Variants in ASB12 observed in about 807,000 individuals in gnomAD.
ASB12 encodes ankyrin repeat and SOCS box protein 12.
A neutral mutation model predicts 13.7 loss-of-function variants in ASB12; 17 were observed. That is an observed-to-expected ratio of 1.24 (90% CI 0.85 to 1.86). The LOEUF (loss-of-function observed/expected upper bound fraction) is 1.86. Ranked by LOEUF, ASB12 falls within the 40% of genes most tolerant of loss-of-function variation. The pLI, the probability that ASB12 is intolerant of heterozygous loss-of-function variation, is 0.00. For missense variants in ASB12, 329 were observed against 250.5 expected, an observed-to-expected ratio of 1.31 and a Z score of -2.11; for synonymous variants, 107 against 99.8, an observed-to-expected ratio of 1.07 and a Z score of -0.43.
chrX:64,225,549 C>T lies in ASB12; in HGVS notation c.102G>A (p.Glu34=), dbSNP rs1042326063. The stretch of plus-strand genomic sequence containing the variant: ...CTGCTTGATTGAGAGCCTGCTTCTC[C>T]TCTGTGTCAGTGTCCTCCTCCTCCT... ...PDKEEEDTDT[E]EKQALNQAVY... is the part of the protein sequence containing the mutation. The change falls in exon 2 of 3, where the codon GAG becomes GAA. Residue 34 remains glutamate, a synonymous_variant. Transcript: ENST00000362002. The T allele has an allele frequency of 1.7e-6, 2 of 1,209,011 alleles. No homozygotes were observed. The highest frequency in any genetic ancestry group is 2.2e-6 in the Non-Finnish European group (2 of 894,105).
chrX:64,225,215 C>G lies in ASB12; in HGVS notation c.436G>C (p.Ala146Pro), dbSNP rs748838374. ...IYNNCSPVLT[A>P]ARDGAVAILQ... ...ATAGCAACAGCACCATCACGGGCAG[C>G]TGTGAGCACGGGAGAACAGTTGTTG... Residue 146 changes from alanine to proline, a missense_variant, in exon 2 of 3, where the codon GCT becomes CCT. By Grantham distance (27) the Ala-to-Pro change is conservative. Coordinates refer to ENST00000362002, the MANE Select transcript of ASB12 (RefSeq NM_130388.4). 3.3e-5 allele frequency: 40 copies of G among 1,209,880 alleles called. No individual in the cohort carries two copies. The highest frequency in any genetic ancestry group is 2.3e-4 in the Middle Eastern group (1 of 4,373).
rs1569199403 is a variant in ASB12, at chrX:64,230,520, A to T, written c.-82T>A. 9.0e-6 allele frequency: 1 copy of T among 111,509 alleles called. No individual in the cohort carries two copies. The highest frequency in any genetic ancestry group is 1.9e-5 in the Non-Finnish European group (1 of 53,000). The allele number at this position is 111,509 out of a possible 1,213,427, so 9.2% of individuals were successfully genotyped here. ...TCGCTGCCCCCCGCCCCTCTGTGAA[A>T]CATTGGGGCCCTGGTGTCCCCTCCT... On this transcript the variant is annotated 5_prime_UTR_variant, in exon 1 of 3. Transcript: ENST00000362002.
chrX:64,229,094 C>T (rs934535860), intron 1 of ASB12, among the ~76,000 whole-genome samples: 1 of 111,688 alleles, frequency 9.0e-6, no homozygotes, highest in Non-Finnish European at 1.9e-5. Context: ...AGTCACATTG[C>T]AGCTCCCAGG....
chrX:64,230,214 G>T (rs1931029840), intron 1 of ASB12, among the ~76,000 whole-genome samples: 1 of 111,148 alleles, frequency 9.0e-6, no homozygotes, highest in Admixed American at 9.5e-5. Context: ...CTCTCAAGAA[G>T]CAGGTCTGTT....
intron 1 of ASB12, among the ~76,000 whole-genome samples, chrX:64,229,394 A>G (rs1480541233): frequency 1.8e-5 from 2 of 111,874 alleles, no homozygotes; most frequent in Non-Finnish European, 3.8e-5. Context: ...CCTCCATTAG[A>G]TAAGGACAAG....
At chrX:64,224,527 G>A (rs1930890837) in intron 2 of ASB12, 59 bp from the exon 3 acceptor site, 1 of 1,115,299 alleles carries the variant, frequency 9.0e-7, no homozygotes, top group African/African-American at 1.8e-5. Flanking sequence ...TCCCACACAA[G>A]CCTACATCCA....
chrX:64,225,531 A>T lies in ASB12; in HGVS notation c.120T>A (p.Asn40Lys), dbSNP rs752816144. 5 of 1,208,058 alleles carry T rather than the reference A, an allele frequency of 4.1e-6. No homozygotes were observed. Among genetic ancestry groups the T allele is most frequent in the Non-Finnish European group, 5.6e-6 (5 of 894,317 alleles). ...DTDTEEKQAL[N>K]QAVYDNDSYT... is the part of the protein sequence containing the mutation. ...AGGAGTCGTTGTCATACACTGCTTG[A>T]TTGAGAGCCTGCTTCTCCTCTGTGT... is the stretch of plus-strand genomic sequence containing the variant. The change falls in exon 2 of 3, where the codon AAT (asparagine) becomes AAA (lysine). Residue 40 changes from asparagine (N) to lysine (K), a missense_variant. By Grantham distance (94) the Asn-to-Lys change is moderately conservative. Transcript: ENST00000362002.
chrX:64,224,888 G>A lies in ASB12; in HGVS notation c.763C>T (p.Leu255Phe), dbSNP rs201870038. 22 of 1,207,602 alleles carry A rather than the reference G, an allele frequency of 1.8e-5. No homozygotes were observed. The highest frequency in any genetic ancestry group is 2.4e-5 in the Non-Finnish European group (21 of 893,204). The part of the protein sequence containing the change: ...DFGANIYLPS[L>F]SLDLTSQDDK... ...TCTTGTGAGGTCAGGTCAAGGGAGAGAGATGGAAGGTAGATATTAGCACCA... is the reference window on the plus strand; with the variant it reads ...TCTTGTGAGGTCAGGTCAAGGGAGAAAGATGGAAGGTAGATATTAGCACCA... Residue 255 changes from leucine to phenylalanine, a missense_variant, in exon 2 of 3, where the codon CTC becomes TTC. Leu to Phe is a conservative substitution (Grantham distance 22, BLOSUM62 0). Transcript: ENST00000362002.
intron 1 of ASB12, among the ~76,000 whole-genome samples, chrX:64,227,077 A>G (rs913944897): frequency 3.6e-5 from 4 of 111,336 alleles, no homozygotes; most frequent in Non-Finnish European, 7.5e-5. Context: ...CAGCACTCTC[A>G]GTTCTTTGCT....
rs752783617 is a variant in ASB12 at position 64,225,380 on chromosome X, C to T, written c.271G>A (p.Val91Ile). 1.7e-6 allele frequency: 2 copies of T among 1,208,784 alleles called. No homozygotes were observed. Among genetic ancestry groups the T allele is most frequent in the South Asian group, 1.8e-5 (1 of 56,237 alleles). The part of the protein sequence containing the change: ...ASYGHLSCLQ[V>I]LLAHGADVDS... ...ACATCAGCACCATGGGCTAAGAGGA[C>T]TTGCAAACAGCTCAAGTGGCCATAA... The change falls in exon 2 of 3, where the codon GTC (valine) becomes ATC (isoleucine). Residue 91 changes from valine (V) to isoleucine (I), a missense_variant. Coordinates refer to ENST00000362002, the MANE Select transcript of ASB12 (RefSeq NM_130388.4).
At chrX:64,226,679 C>A in intron 1 of ASB12, 1 of 747,520 alleles carries the variant, frequency 1.3e-6, no homozygotes, top group Non-Finnish European at 1.6e-6. Context: ...CCACTCATGG[C>A]TCAATGTCTG....
intron 2 of ASB12, 101 bp from the exon 3 acceptor site, chrX:64,224,569 T>C (rs1283548961): frequency 1.0e-6 from 1 of 966,930 alleles, no homozygotes; most frequent in Non-Finnish European, 1.4e-6. Flanking sequence ...CCTAATGCTC[T>C]ATCCTTTCCA....
At chrX:64,226,924 T>C (rs1449810818) in intron 1 of ASB12, among the ~76,000 whole-genome samples, 1 of 110,373 alleles carries the variant, frequency 9.1e-6, no homozygotes, top group Non-Finnish European at 1.9e-5. Context: ...AATTATGAGG[T>C]GGGTGGGTAG....
Position 64,225,215 on chromosome X carries a change from C to T in ASB12, c.436G>A (p.Ala146Thr). 9 of 1,211,733 alleles carry T rather than the reference C, an allele frequency of 7.4e-6. No individual in the cohort carries two copies. Among genetic ancestry groups the T allele is most frequent in the Non-Finnish European group, 1.0e-5 (9 of 895,517 alleles). The change falls in exon 2 of 3, where the codon GCT becomes ACT. Residue 146 changes from alanine (A) to threonine (T), a missense_variant. Transcript: ENST00000362002. ...ATAGCAACAGCACCATCACGGGCAG[C>T]TGTGAGCACGGGAGAACAGTTGTTG... ...IYNNCSPVLT[A>T]ARDGAVAILQ...
intron 1 of ASB12, among the ~76,000 whole-genome samples, chrX:64,226,228 T>A (rs1177903479): frequency 8.9e-6 from 1 of 112,291 alleles, no homozygotes; most frequent in African/African-American, 3.2e-5. Context: ...CTTGCTGACA[T>A]CAATCTTTTG....
At position 64,225,578 on chromosome X, in the gene ASB12, C is replaced by T. The variant is rs181199270; in HGVS notation, c.73G>A (p.Asp25Asn). 28 of 1,204,670 alleles carry T rather than the reference C, an allele frequency of 2.3e-5. No homozygotes were observed. Among genetic ancestry groups the T allele is most frequent in the Admixed American group, 6.6e-5 (3 of 45,257 alleles). ...ITKIFSLLQP[D>N]KEEEDTDTEE... ...GTGTCAGTGTCCTCCTCCTCCTTGT[C>T]GGGCTGCAGGAGGGAGAAGATCTTG... is the stretch of plus-strand genomic sequence containing the variant. Residue 25 changes from aspartate to asparagine, a missense_variant, in exon 2 of 3, where the codon GAC (aspartate) becomes AAC (asparagine). Transcript: ENST00000362002.
In ASB12 at chrX:64,225,512, C is replaced by T. The variant is rs777469934; in HGVS notation, c.139G>A (p.Asp47Asn). The change falls in exon 2 of 3, where the codon GAC becomes AAC. Residue 47 changes from aspartate (D) to asparagine (N), a missense_variant. By Grantham distance (23) the Asp-to-Asn change is conservative. Coordinates refer to ENST00000362002, the MANE Select transcript of ASB12 (RefSeq NM_130388.4). Reference protein sequence around the residue: ...QALNQAVYDNDSYTLDQLLRQ... With the variant: ...QALNQAVYDNNSYTLDQLLRQ... ...AAAAGCTGGTCCAAAGTATAGGAGT[C>T]GTTGTCATACACTGCTTGATTGAGA... 5.8e-6 allele frequency: 7 copies of T among 1,208,380 alleles called. No homozygotes were observed. The highest frequency in any genetic ancestry group is 6.7e-6 in the Non-Finnish European group (6 of 894,453).
intron 1 of ASB12, among the ~76,000 whole-genome samples, 180 bp from the exon 2 acceptor site, chrX:64,225,854 G>GC (rs1446202360): frequency 9.0e-6 from 1 of 111,696 alleles, no homozygotes; most frequent in East Asian, 2.8e-4. Flanking sequence ...ACAGGTCAGG[G>GC]CATTTTACAG....
chrX:64,225,109 C>T lies in ASB12; in HGVS notation c.542G>A (p.Cys181Tyr). ...LPVWASNIAS[C>Y]SGPLYLAAVY... Reference sequence around the variant, plus strand: ...TGCGGCCAAATAGAGGGGGCCAGAACATGAAGCTATGTTTGATGCCCAGAC... The same window carrying T: ...TGCGGCCAAATAGAGGGGGCCAGAATATGAAGCTATGTTTGATGCCCAGAC... Residue 181 changes from cysteine (C) to tyrosine (Y), a missense_variant, in exon 2 of 3, where the codon TGT becomes TAT. Physicochemically the swap from Cys to Tyr is radical, Grantham distance 194 (BLOSUM62 -2). Transcript: ENST00000362002. The T allele has an allele frequency of 5.0e-6, 6 of 1,211,580 alleles. No individual in the cohort carries two copies. Among genetic ancestry groups the T allele is most frequent in the East Asian group, 3.0e-5 (1 of 33,815 alleles).
Sources: allele counts gnomAD v4.1 joint callset (sites outside exome capture counted in the v4.1 genomes callset), GRCh38; gene constraint gnomAD v4.1.1; transcripts MANE v1.5; gene names NCBI Gene and HGNC (gene_info 2026-07-23, HGNC 2026-07-21).